Variants in GPR158 observed in about 807,000 individuals in gnomAD.
GPR158 encodes the protein G protein-coupled receptor 158, also known as metabotropic glycine receptor.
A neutral mutation model predicts 78.2 loss-of-function variants in GPR158; 30 were observed. The observed-to-expected ratio is 0.38, with a 90% CI of 0.29 to 0.52. GPR158 has a LOEUF of 0.52. Among genes scored for constraint, GPR158 ranks in the 20% least tolerant of loss-of-function variants. The probability of loss-of-function intolerance (pLI) is 0.83; values close to 1 mark genes in which losing one functional copy is unlikely to be tolerated. For missense variants in GPR158, 1,463 were observed against 1,523.5 expected, an observed-to-expected ratio of 0.96 and a Z score of 0.66; for synonymous variants, 581 against 591.1, an observed-to-expected ratio of 0.98 and a Z score of 0.25.
intron 5 of GPR158, among the ~76,000 whole-genome samples, chr10:25,484,280 T>C (rs928225699): frequency 1.3e-5 from 2 of 152,202 alleles, no homozygotes; most frequent in African/African-American, 4.8e-5. Context: ...ATGGCTCACA[T>C]TCTCATCTTC....
At chr10:25,418,011 CT>C (rs1336958897) in intron 4 of GPR158, among the ~76,000 whole-genome samples, 1 of 152,136 alleles carries the variant, frequency 6.6e-6, no homozygotes, top group Non-Finnish European at 1.5e-5. Context: ...TAGAGTAGCT[CT>C]GTGAATTGAC....
chr10:25,455,053 G>T (rs999513733), intron 4 of GPR158, among the ~76,000 whole-genome samples: 6 of 152,124 alleles, frequency 3.9e-5, no homozygotes, highest in Non-Finnish European at 7.4e-5. Flanking sequence ...GCCTGTATAT[G>T]TATTTTTCAG....
At chr10:25,305,943 C>A (rs1854671069) in intron 2 of GPR158, among the ~76,000 whole-genome samples, 1 of 152,106 alleles carries the variant, frequency 6.6e-6, no homozygotes, top group Non-Finnish European at 1.5e-5. Flanking sequence ...TTATTACAAG[C>A]AATTAAAAAC....
chr10:25,512,906 T>G (rs1361210187), intron 5 of GPR158, among the ~76,000 whole-genome samples: 2 of 152,214 alleles, frequency 1.3e-5, no homozygotes, highest in African/African-American at 4.8e-5. Context: ...GGATTGTCTT[T>G]TTGATATACT....
rs565620071 is a variant in GPR158 at position 25,175,805 on chromosome 10, C to A, written c.385C>A (p.Leu129Met). Reference sequence around the variant, plus strand: ...CTCCTTGCACCGGGCGCTGGACACACTGACACACGCCACCAACTTCCTCAA... The same window carrying A: ...CTCCTTGCACCGGGCGCTGGACACAATGACACACGCCACCAACTTCCTCAA... ...HPSLHRALDTLTHATNFLNVM... is the reference protein window; with the variant it reads ...HPSLHRALDTMTHATNFLNVM... Residue 129 changes from leucine to methionine, a missense_variant, in exon 1 of 11, where the codon CTG becomes ATG. Transcript: ENST00000376351. The surrounding 1 kb of genome is among the most constrained non-coding windows in gnomAD (Gnocchi z 6.4). 18 of 1,611,988 alleles carry A rather than the reference C, an allele frequency of 1.1e-5. No individual in the cohort carries two copies. Among genetic ancestry groups the A allele is most frequent in the East Asian group, 1.1e-4 (5 of 44,874 alleles).
chr10:25,456,168 G>A (rs1030255646), intron 4 of GPR158, among the ~76,000 whole-genome samples: 11 of 152,070 alleles, frequency 7.2e-5, no homozygotes, highest in Non-Finnish European at 1.6e-4. Context: ...CTTGCAAATA[G>A]GGGGCATCTG....
chr10:25,436,281 A>G (rs968774222), intron 4 of GPR158, among the ~76,000 whole-genome samples: 1 of 152,212 alleles, frequency 6.6e-6, no homozygotes, highest in Non-Finnish European at 1.5e-5. Flanking sequence ...TTATCTGACA[A>G]TCCTAATGGT....
At chr10:25,377,881 TG>T (rs1439678665) in intron 2 of GPR158, among the ~76,000 whole-genome samples, 3 of 152,074 alleles carry the variant, frequency 2.0e-5, no homozygotes, top group Non-Finnish European at 2.9e-5. Flanking sequence ...TCAATTGTCT[TG>T]GGTATATATG....
intron 2 of GPR158, among the ~76,000 whole-genome samples, chr10:25,320,460 TG>T (rs1337389790): frequency 6.6e-6 from 1 of 152,242 alleles, no homozygotes. Flanking sequence ...TTTAGCCAGC[TG>T]GGCTGTTCGC....
chr10:25,456,492 T>C (rs1213532602), intron 4 of GPR158, among the ~76,000 whole-genome samples: 1 of 152,060 alleles, frequency 6.6e-6, no homozygotes, highest in East Asian at 1.9e-4. Flanking sequence ...ATTTTTCTCC[T>C]TTTTTTAGAA....
At chr10:25,479,182 A>G (rs1459190728) in intron 5 of GPR158, among the ~76,000 whole-genome samples, 4 of 152,100 alleles carry the variant, frequency 2.6e-5, no homozygotes, top group Non-Finnish European at 1.5e-5. Context: ...GATAAGCATT[A>G]TTGGTTCTAA....
intron 2 of GPR158, among the ~76,000 whole-genome samples, chr10:25,317,849 C>T (rs763600179): frequency 6.6e-6 from 1 of 152,010 alleles, no homozygotes; most frequent in East Asian, 1.9e-4. Flanking sequence ...CTGCCTCAGC[C>T]TCCCCAGTAG....
At chr10:25,511,288 G>T (rs773954647) in intron 5 of GPR158, among the ~76,000 whole-genome samples, 2 of 152,102 alleles carry the variant, frequency 1.3e-5, no homozygotes, top group Non-Finnish European at 2.9e-5. Flanking sequence ...TTATTTCCCT[G>T]ATCATTAGTG....
chr10:25,461,826 G>T (rs1588874926), intron 4 of GPR158, among the ~76,000 whole-genome samples: 1 of 151,270 alleles, frequency 6.6e-6, no homozygotes, highest in Non-Finnish European at 1.5e-5. Context: ...CCATCTCCCG[G>T]GTTCACGCCA....
chr10:25,544,420 C>T (rs879939571), intron 5 of GPR158, among the ~76,000 whole-genome samples: 1 of 152,010 alleles, frequency 6.6e-6, no homozygotes, highest in Non-Finnish European at 1.5e-5. Flanking sequence ...CATTACAACT[C>T]AGTCTGTTTT....
chr10:25,462,297 G>T (rs191528280), intron 4 of GPR158, among the ~76,000 whole-genome samples: 3 of 152,274 alleles, frequency 2.0e-5, no homozygotes, highest in Admixed American at 1.3e-4. Context: ...TAAGCCCACT[G>T]ATGAGACTTC....
intron 2 of GPR158, among the ~76,000 whole-genome samples, chr10:25,315,527 T>C (rs1201252385): frequency 6.6e-6 from 1 of 152,174 alleles, no homozygotes; most frequent in Non-Finnish European, 1.5e-5. Context: ...GTCTTATTCT[T>C]GAACTAAATT....
chr10:25,369,005 T>C (rs1449644038), intron 2 of GPR158, among the ~76,000 whole-genome samples: 1 of 150,774 alleles, frequency 6.6e-6, no homozygotes, highest in Non-Finnish European at 1.5e-5. Context: ...GCTTGTGATT[T>C]TCGTACATTG....
At chr10:25,410,736 G>A (rs369957751) in intron 3 of GPR158, among the ~76,000 whole-genome samples, 2 of 152,348 alleles carry the variant, frequency 1.3e-5, no homozygotes, top group East Asian at 3.9e-4. Flanking sequence ...GTTATCTGGA[G>A]TAGGGAACCA....
Sources: gnomAD v4.1 joint callset for allele counts (sites outside exome capture counted in the v4.1 genomes callset) on GRCh38, gnomAD v4.1.1 for gene constraint, Gnocchi (gnomAD v3.1) non-coding constraint, MANE v1.5 for transcripts, NCBI Gene and HGNC (gene_info 2026-07-23, HGNC 2026-07-21) for gene names.